Variants in CARD8 observed in about 807,000 individuals in gnomAD.
The protein encoded by CARD8 is caspase recruitment domain family member 8.
A neutral mutation model predicts 53.2 loss-of-function variants in CARD8; 38 were observed. The ratio of observed to expected loss-of-function variants is 0.71; its 90% CI spans 0.55 to 0.94. The LOEUF (loss-of-function observed/expected upper bound fraction) is 0.94, where lower values mean the gene tolerates loss of function less well. Ranked by LOEUF, CARD8 falls within the 40% of genes least tolerant of loss-of-function variation. The pLI, the probability that CARD8 is intolerant of heterozygous loss-of-function variation, is 0.00. For synonymous variants in CARD8, 245 were observed against 244.9 expected (o/e 1.00, Z 0.00); for missense variants, 561 against 655.5 (o/e 0.86, Z 1.57).
chr19:48,230,796 G>C lies in CARD8; in HGVS notation c.753C>G (p.Pro251=), dbSNP rs753446469. The C allele has an allele frequency of 3.7e-6, 6 of 1,614,028 alleles. No homozygotes were observed. Among genetic ancestry groups the C allele is most frequent in the Non-Finnish European group, 5.1e-6 (6 of 1,179,898 alleles). ...CATTACCTTGGAGGGAGATGAAGTGGGGGAGGTGGATTTCGGCGACAGCCT... is the reference window on the plus strand; with the variant it reads ...CATTACCTTGGAGGGAGATGAAGTGCGGGAGGTGGATTTCGGCGACAGCCT... The part of the protein sequence containing the change: ...PEEAVAEIHL[P]HFISLQAGEV... Residue 251 remains proline (P), a synonymous_variant, in exon 9 of 14, where the codon CCC becomes CCG. Coordinates refer to ENST00000651546, the MANE Select transcript of CARD8 (RefSeq NM_001184900.3).
chr19:48,206,260 G>C (rs936939594), downstream of CARD8: 1 of 339,514 alleles, frequency 2.9e-6, no homozygotes, highest in African/African-American at 2.2e-5. Context: ...AGAGTTTGGT[G>C]TTTTGAAACA....
intron 3 of CARD8, among the ~76,000 whole-genome samples, chr19:48,242,381 A>T (rs1015275921): frequency 9.4e-5 from 14 of 149,442 alleles, no homozygotes; most frequent in Non-Finnish European, 1.9e-4. Flanking sequence ...ACTGTGAGAA[A>T]TAAATTCTGT....
At chr19:48,218,204 AT>A (rs1308041749) in intron 12 of CARD8, among the ~76,000 whole-genome samples, 6 of 148,910 alleles carry the variant, frequency 4.0e-5, no homozygotes, top group African/African-American at 9.9e-5. Context: ...TATTCAAACT[AT>A]TTTTTTTAAT....
At chr19:48,219,130 T>C in intron 11 of CARD8, 118 bp from the exon 12 acceptor site, 3 of 872,194 alleles carry the variant, frequency 3.4e-6, no homozygotes, top group Non-Finnish European at 5.5e-6. Context: ...GCTGGTTGAG[T>C]GGGAAACAGA....
intron 12 of CARD8, 95 bp from the exon 13 acceptor site, chr19:48,215,479 TAATTC>T: frequency 1.2e-6 from 1 of 811,866 alleles, no homozygotes; most frequent in South Asian, 1.4e-5. Flanking sequence ...TGAAATAATT[TAATTC>T]TACATATGTC....
At chr19:48,230,233 G>GCA (rs1568778210) in intron 10 of CARD8, among the ~76,000 whole-genome samples, 2 of 152,134 alleles carry the variant, frequency 1.3e-5, no homozygotes, top group African/African-American at 4.8e-5. Flanking sequence ...TTTTTCAGTA[G>GCA]CACTGAATCA....
At position 48,214,942 on chromosome 19, in the gene CARD8, C is replaced by T. The variant is rs550676865; in HGVS notation, c.1348+398G>A. Among the ~76,000 whole-genome samples, 5 of 151,886 alleles carry T rather than the reference C, an allele frequency of 3.3e-5. No individual in the cohort carries two copies. In the South Asian group the frequency reaches 1.0e-3, roughly 32 times the overall value. On this transcript the variant is annotated intron_variant, in intron 13 of 13. Coordinates refer to ENST00000651546, the MANE Select transcript of CARD8 (RefSeq NM_001184900.3). ...TAGCTGGGACCACAGGTGCCCACCACCACGCCCGGCTAATTTTTTGTATTT... is the reference window on the plus strand; with the variant it reads ...TAGCTGGGACCACAGGTGCCCACCATCACGCCCGGCTAATTTTTTGTATTT...
chr19:48,250,169 T>C (rs1401873379), intron 1 of CARD8, among the ~76,000 whole-genome samples: 1 of 152,192 alleles, frequency 6.6e-6, no homozygotes, highest in African/African-American at 2.4e-5. Flanking sequence ...CAGTGTTTAT[T>C]TGGGAATAGA....
At chr19:48,225,059 G>A (rs2041485139) in intron 10 of CARD8, among the ~76,000 whole-genome samples, 1 of 151,842 alleles carries the variant, frequency 6.6e-6, no homozygotes, top group Non-Finnish European at 1.5e-5. Flanking sequence ...GGCCCTCCTT[G>A]TGCTTTTAAC....
At chr19:48,251,830 A>T (rs2046976605) in intron 1 of CARD8, among the ~76,000 whole-genome samples, 1 of 152,170 alleles carries the variant, frequency 6.6e-6, no homozygotes, top group African/African-American at 2.4e-5. Context: ...CAACATGGCC[A>T]GTCTCCTCTG....
At chr19:48,239,539 G>A (rs560054548) in intron 4 of CARD8, among the ~76,000 whole-genome samples, 18 of 147,778 alleles carry the variant, frequency 1.2e-4, no homozygotes, top group African/African-American at 2.5e-4. Context: ...GCAATGGAGC[G>A]ATCTTGGCTC....
chr19:48,238,686 T>G (rs890399542), intron 4 of CARD8, among the ~76,000 whole-genome samples, 154 bp from the exon 5 acceptor site: 5 of 151,840 alleles, frequency 3.3e-5, no homozygotes, highest in African/African-American at 1.2e-4. Flanking sequence ...CTTAGAGATA[T>G]CCATCCTTAG....
At chr19:48,247,387 G>A (rs1421134128) in intron 3 of CARD8, among the ~76,000 whole-genome samples, 1 of 152,080 alleles carries the variant, frequency 6.6e-6, no homozygotes, top group East Asian at 1.9e-4. Flanking sequence ...TTCAATAGGG[G>A]AATGAATAAA....
intron 3 of CARD8, among the ~76,000 whole-genome samples, chr19:48,244,908 A>G (rs569372577): frequency 1.3e-5 from 2 of 152,330 alleles, no homozygotes; most frequent in South Asian, 4.1e-4. Flanking sequence ...ACAATTCCTA[A>G]GTAAAAAGGA....
intron 10 of CARD8, among the ~76,000 whole-genome samples, chr19:48,230,129 C>A (rs1243830548): frequency 1.3e-5 from 2 of 151,944 alleles, no homozygotes; most frequent in African/African-American, 4.8e-5. Context: ...AAGAAAAAAA[C>A]AACCTGGTGA....
At chr19:48,247,923 CAATTA>C (rs150112779) in intron 3 of CARD8, among the ~76,000 whole-genome samples, 6,531 of 152,014 alleles carry the variant, frequency 0.043, 256 homozygotes, top group African/African-American at 0.1. Context: ...ATTGAAATTT[CAATTA>C]AAATTCAGTT....
At chr19:48,244,352 T>C (rs1416797565) in intron 3 of CARD8, among the ~76,000 whole-genome samples, 2 of 152,214 alleles carry the variant, frequency 1.3e-5, no homozygotes, top group African/African-American at 2.4e-5. Flanking sequence ...AGGAGACAGA[T>C]TTAATTCACA....
chr19:48,253,372 AC>A (rs1236050733), intron 1 of CARD8, among the ~76,000 whole-genome samples: 4 of 152,220 alleles, frequency 2.6e-5, no homozygotes, highest in Admixed American at 1.3e-4. Context: ...GGTGTGAGCC[AC>A]CGTGCCTGGC....
intron 12 of CARD8, 48 bp downstream of exon 12, chr19:48,218,823 A>G (rs1432012869): frequency 6.3e-7 from 1 of 1,591,588 alleles, no homozygotes; most frequent in Admixed American, 1.7e-5. Context: ...GGATAGAGGT[A>G]CATGATGGAT....
Sources: gnomAD v4.1 joint callset for allele counts (sites outside exome capture counted in the v4.1 genomes callset) on GRCh38, gnomAD v4.1.1 for gene constraint, MANE v1.5 for transcripts, NCBI Gene and HGNC (gene_info 2026-07-23, HGNC 2026-07-21) for gene names.